DOCK1: variants seen among roughly 807,000 people sequenced by gnomAD.
The protein encoded by DOCK1 is dedicator of cytokinesis 1.
DOCK1 carries 138 observed loss-of-function variants against 262.7 expected under a neutral mutation model. The observed-to-expected ratio is 0.53, with a 90% CI of 0.46 to 0.61. DOCK1 has a LOEUF of 0.61. Among genes scored for constraint, DOCK1 ranks in the 20% least tolerant of loss-of-function variants. The pLI is 0.00. For synonymous variants in DOCK1, 866 were observed against 867.4 expected (o/e 1.00, Z 0.03); for missense variants, 1,908 against 2,370.7 (o/e 0.80, Z 4.05).
intron 27 of DOCK1, among the ~76,000 whole-genome samples, chr10:127,172,091 GTTTTCT>G (rs1468546633): frequency 6.6e-6 from 1 of 152,110 alleles, no homozygotes; most frequent in Non-Finnish European, 1.5e-5. Flanking sequence ...GCATTTTCCT[GTTTTCT>G]TTTTTTGTTT....
intron 2 of DOCK1, among the ~76,000 whole-genome samples, chr10:126,974,007 T>G (rs1412050636): frequency 2.6e-5 from 4 of 152,244 alleles, no homozygotes; most frequent in African/African-American, 9.6e-5. Context: ...TTAATTTCTC[T>G]TTCTTGAGCT....
chr10:127,343,514 AGAGT>A, intron 30 of DOCK1, 128 bp from the exon 31 acceptor site: 1 of 733,396 alleles, frequency 1.4e-6, no homozygotes, highest in Non-Finnish European at 2.2e-6. Context: ...CAACATGTAT[AGAGT>A]GAGTGTGGGT....
At chr10:127,013,156 G>T (rs2041600916) in intron 12 of DOCK1, among the ~76,000 whole-genome samples, 1 of 152,192 alleles carries the variant, frequency 6.6e-6, no homozygotes, top group Non-Finnish European at 1.5e-5. Flanking sequence ...ATGTTTTAGA[G>T]AATGAGCCTT....
chr10:127,222,215 T>C (rs2058462784), intron 27 of DOCK1, among the ~76,000 whole-genome samples: 2 of 152,210 alleles, frequency 1.3e-5, no homozygotes, highest in African/African-American at 2.4e-5. Context: ...GAAATTTCAC[T>C]CATGCCAGCA....
intron 29 of DOCK1, among the ~76,000 whole-genome samples, chr10:127,330,411 A>G (rs545378320): frequency 6.6e-6 from 1 of 152,132 alleles, no homozygotes; most frequent in African/African-American, 2.4e-5. Flanking sequence ...TACATCAGAA[A>G]AAAAAAAAAA....
chr10:127,155,851 C>T (rs2052990698), intron 27 of DOCK1, among the ~76,000 whole-genome samples: 1 of 152,178 alleles, frequency 6.6e-6, no homozygotes, highest in South Asian at 2.1e-4. Context: ...CAGTGCCATC[C>T]TTGAGCTCAG....
chr10:126,970,304 TAATATC>T (rs1176575229), intron 1 of DOCK1, among the ~76,000 whole-genome samples: 3 of 152,228 alleles, frequency 2.0e-5, no homozygotes, highest in Non-Finnish European at 4.4e-5. Flanking sequence ...TCTATTGGCT[TAATATC>T]AACATTGCTA....
chr10:127,345,243 A>G (rs756987177), intron 31 of DOCK1, among the ~76,000 whole-genome samples: 1 of 152,200 alleles, frequency 6.6e-6, no homozygotes, highest in African/African-American at 2.4e-5. Flanking sequence ...CCTGTACTTT[A>G]TGTCAGTGAC....
chr10:126,936,040 G>T (rs1160365158), intron 1 of DOCK1, among the ~76,000 whole-genome samples: 1 of 152,186 alleles, frequency 6.6e-6, no homozygotes, highest in Non-Finnish European at 1.5e-5. Context: ...GAGTGCAGTG[G>T]CACAGTCATA....
intron 29 of DOCK1, among the ~76,000 whole-genome samples, chr10:127,262,567 G>A (rs543328050): frequency 4.1e-5 from 6 of 146,578 alleles, no homozygotes; most frequent in African/African-American, 1.5e-4. Flanking sequence ...AGCTGGATCA[G>A]GTGGGTTTTT....
intron 29 of DOCK1, among the ~76,000 whole-genome samples, chr10:127,296,067 C>G (rs938670766): frequency 6.6e-6 from 1 of 152,186 alleles, no homozygotes; most frequent in African/African-American, 2.4e-5. Context: ...TTCCTTTCCT[C>G]TGGTCTGAAA....
intron 4 of DOCK1, among the ~76,000 whole-genome samples, chr10:126,983,215 C>T (rs1173328804): frequency 6.6e-6 from 1 of 152,152 alleles, no homozygotes; most frequent in Admixed American, 6.6e-5. Flanking sequence ...GTTCTCCACA[C>T]TGTTTTCCTG....
chr10:127,165,276 T>C (rs959784696), intron 27 of DOCK1, among the ~76,000 whole-genome samples: 3 of 152,246 alleles, frequency 2.0e-5, no homozygotes, highest in South Asian at 2.1e-4. Context: ...TGAGAACTTA[T>C]ACATCTTGGA....
intron 27 of DOCK1, among the ~76,000 whole-genome samples, chr10:127,197,851 C>A (rs1432216693): frequency 6.6e-6 from 1 of 152,200 alleles, no homozygotes; most frequent in East Asian, 1.9e-4. Context: ...GAAATACCTT[C>A]TTTGTATGTG....
chr10:126,929,014 G>T (rs1026149202), intron 1 of DOCK1, among the ~76,000 whole-genome samples: 7 of 152,210 alleles, frequency 4.6e-5, no homozygotes, highest in Non-Finnish European at 8.8e-5. Context: ...TTTGACGAGG[G>T]CCTCTCTGTC....
intron 32 of DOCK1, among the ~76,000 whole-genome samples, chr10:127,359,094 A>G (rs759591138): frequency 2.0e-5 from 3 of 152,062 alleles, no homozygotes; most frequent in Non-Finnish European, 4.4e-5. Context: ...TGAGTTCATC[A>G]TTAAATTTGA....
chr10:127,263,578 C>T (rs2060254837), intron 29 of DOCK1, among the ~76,000 whole-genome samples: 1 of 152,170 alleles, frequency 6.6e-6, no homozygotes, highest in East Asian at 1.9e-4. Context: ...TTTGTGCTAG[C>T]ACCCAGAAGT....
chr10:127,164,733 A>T (rs1366464475), intron 27 of DOCK1, among the ~76,000 whole-genome samples: 1 of 152,234 alleles, frequency 6.6e-6, no homozygotes, highest in Non-Finnish European at 1.5e-5. Context: ...TAAAATCATA[A>T]CATAAATATC....
intron 23 of DOCK1, among the ~76,000 whole-genome samples, chr10:127,076,372 G>A (rs563207190): frequency 1.3e-5 from 2 of 152,262 alleles, no homozygotes; most frequent in South Asian, 2.1e-4. Context: ...GTGGTGGCTG[G>A]CGCCTGTAGT....
Sources: allele counts gnomAD v4.1 joint callset (sites outside exome capture counted in the v4.1 genomes callset), GRCh38; gene constraint gnomAD v4.1.1; transcripts MANE v1.5; gene names NCBI Gene and HGNC (gene_info 2026-07-23, HGNC 2026-07-21).